The following TBC1D31 variants were observed in gnomAD, a reference collection of about 807,000 sequenced individuals.
The protein encoded by TBC1D31 is TBC1 domain family member 31, also known as WD repeat domain 67.
Under a neutral mutation model 132.9 loss-of-function variants are expected in TBC1D31, and 99 were observed. The ratio of observed to expected loss-of-function variants is 0.74; its 90% CI spans 0.63 to 0.88. The LOEUF (loss-of-function observed/expected upper bound fraction) is 0.88. Among genes scored for constraint, TBC1D31 ranks in the 40% least tolerant of loss-of-function variants. The pLI is 0.00. For missense variants in TBC1D31, 1,134 were observed against 1,256.6 expected, an observed-to-expected ratio of 0.90 and a Z score of 1.48; for synonymous variants, 385 against 419.4, an observed-to-expected ratio of 0.92 and a Z score of 1.00.
At chr8:123,106,291 G>C (rs1817916552) in intron 8 of TBC1D31, among the ~76,000 whole-genome samples, 1 of 152,078 alleles carries the variant, frequency 6.6e-6, no homozygotes, top group South Asian at 2.1e-4. Flanking sequence ...GTTCCACCTG[G>C]CACATGACCA....
At chr8:123,116,524 A>G (rs1487348906) in intron 10 of TBC1D31, among the ~76,000 whole-genome samples, 1 of 152,214 alleles carries the variant, frequency 6.6e-6, no homozygotes, top group Non-Finnish European at 1.5e-5. Flanking sequence ...CTTAACGTAT[A>G]TGCAGATAAA....
At chr8:123,129,867 A>G (rs1820438435) in intron 15 of TBC1D31, among the ~76,000 whole-genome samples, 2 of 152,244 alleles carry the variant, frequency 1.3e-5, no homozygotes, top group African/African-American at 4.8e-5. Context: ...AAATTAAGTA[A>G]AGTAATGGGA....
intron 10 of TBC1D31, among the ~76,000 whole-genome samples, chr8:123,117,678 G>A (rs993181256): frequency 5.3e-5 from 8 of 149,904 alleles, no homozygotes; most frequent in Non-Finnish European, 1.0e-4. Flanking sequence ...GCGTGAACCC[G>A]GGAGGCGGAG....
intron 6 of TBC1D31, among the ~76,000 whole-genome samples, chr8:123,100,085 G>A (rs368116658): frequency 6.6e-6 from 1 of 152,228 alleles, no homozygotes; most frequent in East Asian, 1.9e-4. Flanking sequence ...ATTTGCTGTT[G>A]GAGAGACGCA....
At chr8:123,091,195 A>G (rs1207918815) in intron 4 of TBC1D31, among the ~76,000 whole-genome samples, 4 of 152,154 alleles carry the variant, frequency 2.6e-5, no homozygotes, top group East Asian at 1.9e-4. Flanking sequence ...TTCATTAGGA[A>G]CAATTTTATA....
chr8:123,158,712 C>G, the TBC1D31 span, among the ~76,000 whole-genome samples: 1 of 152,064 alleles, frequency 6.6e-6, no homozygotes, highest in African/African-American at 2.4e-5. Context: ...TAGGGACATA[C>G]CATCTTGACA....
At chr8:123,162,445 A>G in the TBC1D31 span, among the ~76,000 whole-genome samples, 2 of 152,002 alleles carry the variant, frequency 1.3e-5, no homozygotes, top group East Asian at 1.9e-4. Flanking sequence ...CCCCCAGCAC[A>G]CCCAGGCAAC....
At chr8:123,079,108 A>G (rs1038860325) in intron 2 of TBC1D31, among the ~76,000 whole-genome samples, 10 of 152,172 alleles carry the variant, frequency 6.6e-5, no homozygotes, top group Non-Finnish European at 1.2e-4. Context: ...AACTGTGCTG[A>G]TATCTCTACA....
intron 4 of TBC1D31, among the ~76,000 whole-genome samples, chr8:123,090,934 CT>C (rs1816254796): frequency 6.6e-6 from 1 of 151,926 alleles, no homozygotes; most frequent in African/African-American, 2.4e-5. Context: ...AGGGAAGACT[CT>C]GTCTCAAAAT....
intron 17 of TBC1D31, among the ~76,000 whole-genome samples, chr8:123,137,166 T>C (rs1821176991): frequency 6.6e-6 from 1 of 152,204 alleles, no homozygotes; most frequent in Non-Finnish European, 1.5e-5. Context: ...AAGTAAATAC[T>C]AACCTGTACT....
chr8:123,097,226 A>G (rs1816917638), intron 5 of TBC1D31, 56 bp from the exon 6 acceptor site: 1 of 1,586,356 alleles, frequency 6.3e-7, no homozygotes, highest in African/African-American at 1.4e-5. Flanking sequence ...TCTGTCGGAC[A>G]GTGCTGCTAC....
chr8:123,127,053 A>C (rs1312452362), intron 13 of TBC1D31, among the ~76,000 whole-genome samples: 1 of 151,788 alleles, frequency 6.6e-6, no homozygotes, highest in African/African-American at 2.4e-5. Context: ...CAGTTATTTC[A>C]ATTGAAAAAT....
intron 4 of TBC1D31, among the ~76,000 whole-genome samples, chr8:123,084,631 A>C (rs1815527104): frequency 6.6e-6 from 1 of 152,194 alleles, no homozygotes; most frequent in South Asian, 2.1e-4. Context: ...TTATTATGAA[A>C]AATTTGAAAC....
the TBC1D31 span, among the ~76,000 whole-genome samples, chr8:123,158,828 G>A: frequency 6.6e-6 from 1 of 152,116 alleles, no homozygotes. Context: ...CTGCCGGGCG[G>A]GTGGCCGAGG....
chr8:123,108,523 G>T (rs1818156305), intron 8 of TBC1D31, among the ~76,000 whole-genome samples: 1 of 152,150 alleles, frequency 6.6e-6, no homozygotes, highest in East Asian at 1.9e-4. Flanking sequence ...GGGAGGAGCG[G>T]TCAGAGTGGA....
At chr8:123,142,856 A>G (rs1821840311) in intron 19 of TBC1D31, among the ~76,000 whole-genome samples, 1 of 152,184 alleles carries the variant, frequency 6.6e-6, no homozygotes, top group Non-Finnish European at 1.5e-5. Context: ...TAATATTAGT[A>G]CTTTAATTTA....
At chr8:123,141,391 A>C (rs1471216790) in intron 18 of TBC1D31, among the ~76,000 whole-genome samples, 1 of 131,052 alleles carries the variant, frequency 7.6e-6, no homozygotes, top group African/African-American at 2.9e-5. Flanking sequence ...TCAAATAAGT[A>C]TTGGAAATGC....
intron 10 of TBC1D31, among the ~76,000 whole-genome samples, chr8:123,117,752 CAAAAAAAAAAAAAA>C (rs71310657): frequency 3.3e-5 from 3 of 89,934 alleles, no homozygotes; most frequent in African/African-American, 8.5e-5. Flanking sequence ...AACTCCGTCT[CAAAAAAAAAAAAAA>C]AAAAAAAAAA....
chr8:123,115,075 G>A (rs1234174874), intron 10 of TBC1D31, among the ~76,000 whole-genome samples: 2 of 152,152 alleles, frequency 1.3e-5, no homozygotes, highest in Admixed American at 6.5e-5. Context: ...AATATCTTGT[G>A]TGAATATTTT....
Sources: gnomAD v4.1 joint callset for allele counts (sites outside exome capture counted in the v4.1 genomes callset) on GRCh38, gnomAD v4.1.1 for gene constraint, MANE v1.5 for transcripts, NCBI Gene and HGNC (gene_info 2026-07-23, HGNC 2026-07-21) for gene names.